The following LGI2 variants were observed in gnomAD, a reference collection of about 807,000 sequenced individuals.
The protein encoded by LGI2 is leucine-rich repeat LGI family member 2.
LGI2 carries 30 observed loss-of-function variants against 52.0 expected under a neutral mutation model. The ratio of observed to expected loss-of-function variants is 0.58; its 90% CI spans 0.43 to 0.78. The LOEUF (loss-of-function observed/expected upper bound fraction) is 0.78, where lower values mean the gene tolerates loss of function less well. Ranked by LOEUF, LGI2 falls within the 30% of genes least tolerant of loss-of-function variation. The probability of loss-of-function intolerance (pLI) is 0.00; values close to 1 mark genes in which losing one functional copy is unlikely to be tolerated. For synonymous variants in LGI2, 270 were observed against 271.8 expected, an observed-to-expected ratio of 0.99 and a Z score of 0.06; for missense variants, 573 against 692.5, an observed-to-expected ratio of 0.83 and a Z score of 1.94.
In LGI2 at chr4:25,018,191, A is replaced by C. The variant is rs201088156; in HGVS notation, c.486-33T>G. 6.4e-5 allele frequency: 95 copies of C among 1,476,270 alleles called. No individual in the cohort carries two copies. In the African/African-American group the frequency reaches 1.2e-3, roughly 19 times the overall value. 91.4% of individuals were successfully genotyped at this position (1,476,270 alleles called of 1,614,324 possible). On this transcript the variant is annotated intron_variant, in intron 5 of 7. Transcript: ENST00000382114. ...TCAAAATAAAACACAAACACATACA[A>C]AGAGAAATAGATGTGTCTGACATGT... is the stretch of plus-strand genomic sequence containing the variant.
chr4:25,022,519 G>A (rs1013865039), intron 4 of LGI2, among the ~76,000 whole-genome samples: 11 of 152,242 alleles, frequency 7.2e-5, no homozygotes, highest in South Asian at 2.1e-4. Context: ...TTCCATGCTC[G>A]CTGGACCCAA....
At chr4:25,010,361 C>T (rs1335443895) in intron 7 of LGI2, among the ~76,000 whole-genome samples, 2 of 152,186 alleles carry the variant, frequency 1.3e-5, no homozygotes, top group Non-Finnish European at 2.9e-5. Flanking sequence ...TGGGGTACAA[C>T]CATGAGAAAC....
intron 1 of LGI2, among the ~76,000 whole-genome samples, chr4:25,029,136 G>T (rs1726247305): frequency 6.6e-6 from 1 of 152,180 alleles, no homozygotes; most frequent in African/African-American, 2.4e-5. Flanking sequence ...GAGGCAAGAT[G>T]CTTGGCTTTA....
intron 4 of LGI2, among the ~76,000 whole-genome samples, chr4:25,022,201 C>T (rs1725988911): frequency 6.6e-6 from 1 of 152,142 alleles, no homozygotes; most frequent in Admixed American, 6.5e-5. Context: ...CAGTAAAGTG[C>T]TGGCTGCATG....
At chr4:25,018,797 G>C (rs1560292440) in intron 5 of LGI2, among the ~76,000 whole-genome samples, 2 of 152,002 alleles carry the variant, frequency 1.3e-5, no homozygotes, top group Non-Finnish European at 2.9e-5. Context: ...AGGACGCAGA[G>C]GTTGTAATGA....
At chr4:25,017,213 T>G (rs1294979096) in intron 6 of LGI2, among the ~76,000 whole-genome samples, 3 of 152,174 alleles carry the variant, frequency 2.0e-5, no homozygotes, top group Admixed American at 6.5e-5. Context: ...TTATCTCTTC[T>G]TACATGGGAC....
At chr4:24,997,433 A>G (rs1381093739), downstream of LGI2, among the ~76,000 whole-genome samples, 1 of 152,226 alleles carries the variant, frequency 6.6e-6, no homozygotes, top group Non-Finnish European at 1.5e-5. Context: ...GAAAAAATTT[A>G]GTTCTTTTCT....
chr4:25,004,033 T>C lies in LGI2; in HGVS notation c.1056A>G (p.Thr352=). The part of the protein sequence containing the change: ...IADSSKAGLS[T]VYKWNSKGFY... ...ATCCTTTGCTGTTCCATTTATAAAC[T>C]GTGGACAGACCAGCCTTTGAGCTGT... is the stretch of plus-strand genomic sequence containing the variant. Residue 352 remains threonine, a synonymous_variant, in exon 8 of 8, where the codon ACA becomes ACG. Transcript: ENST00000382114. The surrounding 1 kb of genome is among the most constrained non-coding windows in gnomAD (Gnocchi z 4.6). The C allele has an allele frequency of 1.9e-6, 3 of 1,614,208 alleles. No individual in the cohort carries two copies. Among genetic ancestry groups the C allele is most frequent in the Non-Finnish European group, 2.5e-6 (3 of 1,180,034 alleles).
chr4:25,006,709 G>A lies in LGI2; in HGVS notation c.821-2441C>T, dbSNP rs184643891. 2.1e-3 allele frequency among the ~76,000 whole-genome samples: 321 copies of A among 152,248 alleles called. 3 individuals carry two copies. In the South Asian group the frequency reaches 0.029, roughly 14 times the overall value. On this transcript the variant is annotated intron_variant, in intron 7 of 7. Transcript: ENST00000382114. ...TTTACATGCATTTACTTATTTAATC[G>A]TTATAACAACTATATGAGGCATATA...
At position 25,004,258 on chromosome 4, in the gene LGI2, G is replaced by A. The variant is rs547062142; in HGVS notation, c.831C>T (p.Ile277=). 9.4e-5 allele frequency: 151 copies of A among 1,612,566 alleles called. 1 individual carries two copies. In the South Asian group the frequency reaches 1.5e-3, roughly 16 times the overall value. The change falls in exon 8 of 8, where the codon ATC becomes ATT. Residue 277 remains isoleucine, a synonymous_variant. Coordinates refer to ENST00000382114, the MANE Select transcript of LGI2 (RefSeq NM_018176.4). The surrounding 1 kb of genome is among the most constrained non-coding windows in gnomAD (Gnocchi z 4.6). ...RSYDNITGQS[I]VGCKAILIDD... ...CGATGAGAATGGCCTTACAGCCCAC[G>A]ATGGACTGACCTGTGCTCCAAAATA... is the stretch of plus-strand genomic sequence containing the variant.
At chr4:24,992,838 T>A in the LGI2 span, among the ~76,000 whole-genome samples, 3 of 152,108 alleles carry the variant, frequency 2.0e-5, no homozygotes, top group African/African-American at 7.2e-5. Flanking sequence ...CTCCTTGAAA[T>A]GGGATTACAG....
chr4:25,027,381 C>A (rs968440735), intron 2 of LGI2, among the ~76,000 whole-genome samples: 22 of 131,430 alleles, frequency 1.7e-4, no homozygotes, highest in African/African-American at 6.4e-4. Flanking sequence ...GCAGCTGGAC[C>A]CATAACAATA....
At chr4:25,012,568 C>T (rs578112495) in intron 6 of LGI2, 69 bp from the exon 7 acceptor site, 37 of 1,524,344 alleles carry the variant, frequency 2.4e-5, no homozygotes, top group Middle Eastern at 3.4e-4. Flanking sequence ...CCACCATCAC[C>T]GTTCCATCAT....
At chr4:25,021,245 C>T (rs1178251767) in intron 4 of LGI2, among the ~76,000 whole-genome samples, 1 of 152,228 alleles carries the variant, frequency 6.6e-6, no homozygotes, top group South Asian at 2.1e-4. Context: ...ATTTTGTCTA[C>T]AAATCATGGC....
rs1725310732 is a variant in LGI2, at chr4:25,003,600, G to T, written c.1489C>A (p.Gln497Lys). ...SQIYQWDKEK[Q>K]LFKKFKEIYV... ...ATCTCCTTAAACTTTTTGAATAGCT[G>T]CTTCTCTTTATCCCACTGGTATATC... Residue 497 changes from glutamine to lysine, a missense_variant, in exon 8 of 8, where the codon CAG (glutamine) becomes AAG (lysine). By Grantham distance (53) the Gln-to-Lys change is moderately conservative. Coordinates refer to ENST00000382114, the MANE Select transcript of LGI2 (RefSeq NM_018176.4). 5.0e-6 allele frequency: 8 copies of T among 1,614,158 alleles called. No individual in the cohort carries two copies. The highest frequency in any genetic ancestry group is 6.8e-6 in the Non-Finnish European group (8 of 1,180,024).
At chr4:25,007,415 C>A (rs573851006) in intron 7 of LGI2, among the ~76,000 whole-genome samples, 9 of 152,224 alleles carry the variant, frequency 5.9e-5, no homozygotes, top group Non-Finnish European at 1.0e-4. Context: ...GCTCCTCGTC[C>A]CCTTCTTGAG....
At chr4:25,028,681 C>T in intron 1 of LGI2, 103 bp from the exon 2 acceptor site, 2 of 960,898 alleles carry the variant, frequency 2.1e-6, no homozygotes, top group Middle Eastern at 2.3e-4. Context: ...CAAACCCTGA[C>T]TCTCAGGAGT....
Position 25,004,287 on chromosome 4 carries a change from G to T in LGI2, c.821-19C>A, listed in dbSNP as rs1192322815. The T allele has an allele frequency of 6.3e-7, 1 of 1,596,852 alleles. No individual in the cohort carries two copies. Among genetic ancestry groups the T allele is most frequent in the South Asian group, 1.1e-5 (1 of 88,998 alleles). On this transcript the variant is annotated intron_variant, in intron 7 of 7. Coordinates refer to ENST00000382114, the MANE Select transcript of LGI2 (RefSeq NM_018176.4). This position sits in a 1 kb window ranked among gnomAD's most constrained non-coding sequence, Gnocchi z 4.6. ...GACTGACCTGTGCTCCAAAATAAAG[G>T]AGAGGACATTAGTGCAACTACAGCT...
chr4:25,030,629 C>T lies in LGI2; in HGVS notation c.65G>A (p.Cys22Tyr). 4 of 1,550,850 alleles carry T rather than the reference C, an allele frequency of 2.6e-6. No individual in the cohort carries two copies. Among genetic ancestry groups the T allele is most frequent in the Non-Finnish European group, 3.5e-6 (4 of 1,148,772 alleles). The part of the protein sequence containing the change: ...GLLLLLLGAA[C>Y]LIPRSAQVRR... ...CACCTGCGCGCTCCGCGGTATCAGG[C>T]ACGCGGCGCCCAGCAGCAGCAGCAG... Residue 22 changes from cysteine to tyrosine, a missense_variant, in exon 1 of 8, where the codon TGC becomes TAC. Physicochemically the swap from Cys to Tyr is radical, Grantham distance 194. Transcript: ENST00000382114.
Sources: allele counts gnomAD v4.1 joint callset (sites outside exome capture counted in the v4.1 genomes callset), GRCh38; gene constraint gnomAD v4.1.1; non-coding constraint Gnocchi (gnomAD v3.1); transcripts MANE v1.5; gene names NCBI Gene and HGNC (gene_info 2026-07-23, HGNC 2026-07-21).